The following PPP2R2C variants were observed in gnomAD, a reference collection of about 807,000 sequenced individuals.
PPP2R2C encodes protein phosphatase 2, regulatory subunit B, gamma.
PPP2R2C carries 10 observed loss-of-function variants against 45.3 expected under a neutral mutation model. The ratio of observed to expected loss-of-function variants is 0.22; its 90% CI spans 0.14 to 0.37. The LOEUF (loss-of-function observed/expected upper bound fraction) is 0.37, where lower values mean the gene tolerates loss of function less well. Ranked by LOEUF, PPP2R2C falls within the 10% of genes least tolerant of loss-of-function variation. The pLI is 1.00. For synonymous variants in PPP2R2C, 257 were observed against 245.4 expected (o/e 1.05, Z -0.44); for missense variants, 308 against 619.7 (o/e 0.50, Z 5.34).
chr4:6,521,549 G>T (rs4075006), intron 2 of PPP2R2C, among the ~76,000 whole-genome samples: 40,016 of 152,104 alleles, frequency 0.26, 6,449 homozygotes, highest in Admixed American at 0.34. Flanking sequence ...ATTCAGTGTG[G>T]CTTCATCTCC....
At position 6,522,997 on chromosome 4, in the gene PPP2R2C, C is replaced by A. The variant is rs534116930; in HGVS notation, c.49+12274G>T. On this transcript the variant is annotated intron_variant, in intron 2 of 9. Coordinates refer to the PPP2R2C transcript ENST00000506140. ...TGCACAGCAGCCTGGCAGGGGTGGA[C>A]CGGGGAGGCTCCGAACTCAAGCCTT... 9.2e-5 allele frequency among the ~76,000 whole-genome samples: 14 copies of A among 152,288 alleles called. No individual in the cohort carries two copies. The East Asian group carries it at 2.7e-3, about 29-fold the overall frequency.
chr4:6,497,443 G>C (rs1722915517), intron 2 of PPP2R2C, among the ~76,000 whole-genome samples: 1 of 152,072 alleles, frequency 6.6e-6, no homozygotes, highest in Non-Finnish European at 1.5e-5. Context: ...TTTACTCGGT[G>C]GTGCTGGGAG....
intron 2 of PPP2R2C, among the ~76,000 whole-genome samples, chr4:6,500,427 C>T (rs776049034): frequency 2.0e-5 from 3 of 152,210 alleles, no homozygotes; most frequent in Non-Finnish European, 2.9e-5. Context: ...GGATTACAGG[C>T]GTGAGCCATT....
intron 1 of PPP2R2C, among the ~76,000 whole-genome samples, chr4:6,466,265 G>A (rs1721589466): frequency 6.6e-6 from 1 of 152,150 alleles, no homozygotes; most frequent in East Asian, 1.9e-4. Flanking sequence ...CTCATTCCCA[G>A]GCTCCCCCGT....
chr4:6,524,562 G>A (rs763842695), intron 2 of PPP2R2C, among the ~76,000 whole-genome samples: 9 of 152,206 alleles, frequency 5.9e-5, no homozygotes, highest in Non-Finnish European at 1.3e-4. Flanking sequence ...GGAAGAGAGG[G>A]TCAAGACAGC....
intron 6 of PPP2R2C, among the ~76,000 whole-genome samples, chr4:6,341,018 T>C (rs1733400473): frequency 6.6e-6 from 1 of 152,234 alleles, no homozygotes; most frequent in Non-Finnish European, 1.5e-5. Context: ...GAGTGAGCCC[T>C]GGGAGTTGAG....
At chr4:6,422,636 G>C (rs144169226) in intron 1 of PPP2R2C, among the ~76,000 whole-genome samples, 7 of 152,264 alleles carry the variant, frequency 4.6e-5, no homozygotes, top group Non-Finnish European at 1.0e-4. Context: ...TCTTCTCCCT[G>C]TGTCTTCACA....
chr4:6,455,804 A>C (rs1720992662), intron 1 of PPP2R2C, among the ~76,000 whole-genome samples: 2 of 151,958 alleles, frequency 1.3e-5, no homozygotes, highest in South Asian at 2.1e-4. Flanking sequence ...TGTGCCCATA[A>C]TGTCCCTCCT....
chr4:6,481,946 TC>T lies in PPP2R2C; in HGVS notation c.49+53324del, dbSNP rs1722367171. On this transcript the variant is annotated intron_variant, in intron 2 of 9. Coordinates refer to the PPP2R2C transcript ENST00000506140. ...GTGAGCCGAGATCGCACCACTGCAC[TC>T]CAGCCTGGGTGACAGAGCGAGACTC... 2.6e-5 allele frequency among the ~76,000 whole-genome samples: 3 copies of T among 116,788 alleles called. No homozygotes were observed. In the Admixed American group the frequency reaches 3.8e-4, roughly 15 times the overall value. The allele number at this position is 116,788 out of a possible 152,430, so 76.6% of individuals were successfully genotyped here.
intron 1 of PPP2R2C, among the ~76,000 whole-genome samples, chr4:6,410,849 ATTTATTTAT>A (rs1015143435): frequency 7.5e-6 from 1 of 133,468 alleles, no homozygotes; most frequent in African/African-American, 3.4e-5. Flanking sequence ...TGTTTTATTT[ATTTATTTAT>A]TTATTTATTT....
intron 1 of PPP2R2C, among the ~76,000 whole-genome samples, chr4:6,561,826 G>A (rs1476429372): frequency 2.0e-5 from 3 of 152,238 alleles, no homozygotes; most frequent in Non-Finnish European, 4.4e-5. Flanking sequence ...TCCTAAGAGA[G>A]CTGAAGAAGG....
At chr4:6,327,981 C>T (rs1732095467) in intron 8 of PPP2R2C, among the ~76,000 whole-genome samples, 1 of 120,164 alleles carries the variant, frequency 8.3e-6, no homozygotes, top group Non-Finnish European at 1.8e-5. Context: ...CCAGCCCTCC[C>T]CTCATCCCAC....
At chr4:6,346,095 G>T (rs1319191401) in intron 6 of PPP2R2C, among the ~76,000 whole-genome samples, 1 of 152,114 alleles carries the variant, frequency 6.6e-6, no homozygotes, top group Non-Finnish European at 1.5e-5. Flanking sequence ...AACATCCAGA[G>T]GGGGCAGCCA....
rs775771834 is a variant in PPP2R2C at position 6,381,005 on chromosome 4, C to G, written c.160G>C (p.Glu54Gln). The G allele has an allele frequency of 9.8e-6, 15 of 1,526,708 alleles. No individual in the cohort carries two copies. Among genetic ancestry groups the G allele is most frequent in the Non-Finnish European group, 6.2e-6 (7 of 1,131,086 alleles). The allele number at this position is 1,526,708 out of a possible 1,614,324, so 94.6% of individuals were successfully genotyped here. A position where few individuals can be genotyped will look rare whatever the true frequency, so the allele number is the denominator to read the frequency against. ...GACCCAGGGCTTCGCACCTCTGGTTCCCGCTGGAAGATGACGACCCGGCCG... is the reference window on the plus strand; with the variant it reads ...GACCCAGGGCTTCGCACCTCTGGTTGCCGCTGGAAGATGACGACCCGGCCG... ...KGGRVVIFQR[E>Q]PESKNAPHSQ... Residue 54 changes from glutamate to glutamine, a missense_variant, in exon 2 of 9, where the codon GAA becomes CAA. Glu to Gln is a conservative substitution (Grantham distance 29, BLOSUM62 2). Coordinates refer to ENST00000382599, the MANE Select transcript of PPP2R2C (RefSeq NM_020416.4).
chr4:6,499,419 A>G (rs912626083), intron 2 of PPP2R2C, among the ~76,000 whole-genome samples: 24 of 152,178 alleles, frequency 1.6e-4, no homozygotes, highest in African/African-American at 5.8e-4. Flanking sequence ...TGCCTCCGAC[A>G]GGCCACACAC....
intron 1 of PPP2R2C, among the ~76,000 whole-genome samples, chr4:6,388,272 G>A (rs1437778640): frequency 2.0e-5 from 3 of 152,182 alleles, no homozygotes; most frequent in African/African-American, 7.2e-5. Flanking sequence ...CTACCAATGG[G>A]TGCCCAGAGA....
At position 6,382,477 on chromosome 4, in the gene PPP2R2C, C is replaced by T. The variant is rs565719502; in HGVS notation, c.71-1383G>A. The T allele has an allele frequency of 3.7e-6, 5 of 1,352,112 alleles. No homozygotes were observed. In the African/African-American group the frequency reaches 5.9e-5, roughly 16 times the overall value. 83.8% of individuals were successfully genotyped at this position (1,352,112 alleles called of 1,614,324 possible). On this transcript the variant is annotated intron_variant, in intron 1 of 8. Coordinates refer to ENST00000382599, the MANE Select transcript of PPP2R2C (RefSeq NM_020416.4). ...ACCAAACTCCTGAGCCAGTGCATCC[C>T]TGTGTCCCTCTATTCAAAACCCTTC...
intron 2 of PPP2R2C, among the ~76,000 whole-genome samples, chr4:6,503,983 G>A (rs1047778039): frequency 3.3e-5 from 5 of 152,220 alleles, no homozygotes; most frequent in Admixed American, 3.3e-4. Context: ...ACTCATGTAA[G>A]AAGGGAAAAG....
chr4:6,557,344 G>T (rs1378015872), intron 1 of PPP2R2C, among the ~76,000 whole-genome samples: 1 of 151,854 alleles, frequency 6.6e-6, no homozygotes. Context: ...AGTTCTTACA[G>T]ATCTTATAGT....
Sources: gnomAD v4.1 joint callset for allele counts (sites outside exome capture counted in the v4.1 genomes callset) on GRCh38, gnomAD v4.1.1 for gene constraint, MANE v1.5 for transcripts, NCBI Gene and HGNC (gene_info 2026-07-23, HGNC 2026-07-21) for gene names.